Variants in FAM178B observed in about 807,000 individuals in gnomAD.
The protein encoded by FAM178B is protein FAM178B.
FAM178B carries 82 observed loss-of-function variants against 91.7 expected under a neutral mutation model. That is an observed-to-expected ratio of 0.89 (90% CI 0.75 to 1.07). The LOEUF is 1.07. FAM178B is among the 50% of genes least tolerant of loss of function. The pLI is 0.00. For missense variants in FAM178B, 769 were observed against 846.7 expected (o/e 0.91, Z 1.14); for synonymous variants, 368 against 359.4 (o/e 1.02, Z -0.27).
At chr2:96,938,188 C>T (rs2081664689) in intron 8 of FAM178B, among the ~76,000 whole-genome samples, 1 of 152,152 alleles carries the variant, frequency 6.6e-6, no homozygotes, top group Non-Finnish European at 1.5e-5. Flanking sequence ...GTGCACTTGG[C>T]CAAAGTTCTC....
intron 9 of FAM178B, among the ~76,000 whole-genome samples, chr2:96,923,998 A>C (rs1297558944): frequency 6.6e-6 from 1 of 152,176 alleles, no homozygotes; most frequent in Non-Finnish European, 1.5e-5. Flanking sequence ...ACCTTCCACA[A>C]CCTAACCTCG....
intron 12 of FAM178B, among the ~76,000 whole-genome samples, chr2:96,911,198 C>T (rs1188902101): frequency 6.6e-6 from 1 of 152,188 alleles, no homozygotes; most frequent in East Asian, 1.9e-4. Flanking sequence ...GGGAGTACGG[C>T]CACAGCACCT....
intron 13 of FAM178B, among the ~76,000 whole-genome samples, chr2:96,898,903 C>G (rs2080873129): frequency 6.6e-6 from 1 of 152,210 alleles, no homozygotes; most frequent in Non-Finnish European, 1.5e-5. Context: ...CAGGCAGGGC[C>G]TGTGAGGAGG....
chr2:96,929,935 C>T lies in FAM178B; in HGVS notation c.1079-615G>A, dbSNP rs116087483. ...CATGATAAAGTCTGACCACATCGGCCGGGCACAGTGGCCCACACCTGTAAT... is the reference window on the plus strand; with the variant it reads ...CATGATAAAGTCTGACCACATCGGCTGGGCACAGTGGCCCACACCTGTAAT... On this transcript the variant is annotated intron_variant, in intron 8 of 16. Coordinates refer to ENST00000490605, the MANE Select transcript of FAM178B (RefSeq NM_001122646.3). Among the ~76,000 whole-genome samples the T allele has an allele frequency of 5.1e-3, 773 of 152,260 alleles. 1 individual carries two copies. The highest frequency in any genetic ancestry group is 0.018 in the African/African-American group (731 of 41,552).
chr2:96,967,519 C>T lies in FAM178B; in HGVS notation c.734+1G>A, dbSNP rs2082158976. 2 of 1,542,206 alleles carry T rather than the reference C, an allele frequency of 1.3e-6. No individual in the cohort carries two copies. The highest frequency in any genetic ancestry group is 1.8e-6 in the Non-Finnish European group (2 of 1,140,182). Reference sequence around the variant, plus strand: ...GCTGGTGCCAGGCCCCTGCCCCTCACCTGTGCTCGGGTGTGAGTGGCACTT... The same window carrying T: ...GCTGGTGCCAGGCCCCTGCCCCTCATCTGTGCTCGGGTGTGAGTGGCACTT... On this transcript the variant is annotated splice_donor_variant, in intron 5 of 16. Transcript: ENST00000490605. LOFTEE classifies it high-confidence loss of function.
At chr2:96,927,245 C>T (rs767428058) in intron 9 of FAM178B, among the ~76,000 whole-genome samples, 84 of 152,210 alleles carry the variant, frequency 5.5e-4, no homozygotes, top group Non-Finnish European at 8.4e-4. Context: ...ATCCTCCTAC[C>T]CCGAGGAAGA....
At chr2:96,960,621 G>A (rs1037727071) in intron 5 of FAM178B, among the ~76,000 whole-genome samples, 181 bp from the exon 6 acceptor site, 1 of 152,190 alleles carries the variant, frequency 6.6e-6, no homozygotes, top group African/African-American at 2.4e-5. Context: ...GCACGCAGGA[G>A]CCCTTCAGTC....
intron 8 of FAM178B, among the ~76,000 whole-genome samples, chr2:96,933,785 G>A (rs2081580952): frequency 6.6e-6 from 1 of 152,202 alleles, no homozygotes; most frequent in Non-Finnish European, 1.5e-5. Flanking sequence ...ACAGGAGGAG[G>A]GGAGGTCCCC....
intron 14 of FAM178B, among the ~76,000 whole-genome samples, chr2:96,882,984 G>A (rs995978168): frequency 3.3e-5 from 5 of 152,234 alleles, no homozygotes; most frequent in African/African-American, 1.2e-4. Flanking sequence ...AGCAAGGGCC[G>A]AGCTCCCGTT....
chr2:96,883,688 G>A (rs746073246), intron 14 of FAM178B, among the ~76,000 whole-genome samples: 6 of 152,214 alleles, frequency 3.9e-5, no homozygotes, highest in Non-Finnish European at 8.8e-5. Flanking sequence ...CAAAGGGCAC[G>A]GCTCTCCCAG....
intron 6 of FAM178B, among the ~76,000 whole-genome samples, chr2:96,952,779 G>A (rs1040469819): frequency 6.6e-5 from 10 of 151,976 alleles, no homozygotes; most frequent in Middle Eastern, 3.2e-3. Context: ...TCTAGACCAC[G>A]TCCCAAAGAT....
At chr2:96,928,714 G>A (rs924616545) in intron 9 of FAM178B, among the ~76,000 whole-genome samples, 7 of 152,282 alleles carry the variant, frequency 4.6e-5, no homozygotes, top group Admixed American at 4.6e-4. Flanking sequence ...TCCATCCTGG[G>A]GGCTTCCCAT....
At position 96,877,985 on chromosome 2, in the gene FAM178B, C is replaced by T; in HGVS notation, c.1912G>A (p.Glu638Lys). The change falls in exon 16 of 17, where the codon GAG becomes AAG. Residue 638 changes from glutamate (E) to lysine (K), a missense_variant. Physicochemically the swap from Glu to Lys is moderately conservative, Grantham distance 56. Transcript: ENST00000490605. ...LDRHISTQIR[E>K]SPQAMHRTML... is the part of the protein sequence containing the mutation. Reference sequence around the variant, plus strand: ...GTGCGGTGCATGGCCTGGGGGCTCTCCCGGATCTGCGTGCTGATGTGGCGG... The same window carrying T: ...GTGCGGTGCATGGCCTGGGGGCTCTTCCGGATCTGCGTGCTGATGTGGCGG... 2 of 1,613,474 alleles carry T rather than the reference C, an allele frequency of 1.2e-6. No individual in the cohort carries two copies.
chr2:96,934,881 C>T (rs1351657149), intron 8 of FAM178B, among the ~76,000 whole-genome samples: 1 of 152,206 alleles, frequency 6.6e-6, no homozygotes, highest in East Asian at 1.9e-4. Flanking sequence ...CTGACAACCT[C>T]CCTACCTGGC....
rs76587313 is a variant in FAM178B at position 96,980,031 on chromosome 2, T to C, written c.73+6210A>G. ...CTTGAGATTGCTGGTATCTTAAATG[T>C]TTGCCATTCTAGTCAGCGTGTAATG... On this transcript the variant is annotated intron_variant, in intron 1 of 16. Transcript: ENST00000490605. Among the ~76,000 whole-genome samples the C allele has an allele frequency of 2.6e-3, 400 of 152,198 alleles. 17 individuals are homozygous for C. In the East Asian group the frequency reaches 0.045, roughly 17 times the overall value.
chr2:96,976,964 G>A (rs1227350137), intron 1 of FAM178B, among the ~76,000 whole-genome samples: 1 of 152,072 alleles, frequency 6.6e-6, no homozygotes. Flanking sequence ...GGAGGCCAAG[G>A]TGAGTGGATC....
intron 12 of FAM178B, among the ~76,000 whole-genome samples, chr2:96,919,743 T>C (rs2081301654): frequency 6.6e-6 from 1 of 152,182 alleles, no homozygotes; most frequent in African/African-American, 2.4e-5. Flanking sequence ...TGGAGTCCTC[T>C]GACAGAGCTT....
chr2:96,926,502 C>A (rs1338001776), intron 9 of FAM178B, among the ~76,000 whole-genome samples: 1 of 152,182 alleles, frequency 6.6e-6, no homozygotes, highest in Non-Finnish European at 1.5e-5. Flanking sequence ...GATGGGGGCA[C>A]CTGGCAAGTC....
At chr2:96,896,492 A>G (rs2080826320) in intron 13 of FAM178B, among the ~76,000 whole-genome samples, 1 of 152,066 alleles carries the variant, frequency 6.6e-6, no homozygotes, top group African/African-American at 2.4e-5. Context: ...CACCGACATC[A>G]CTGCTGGCAG....
Sources: allele counts gnomAD v4.1 joint callset (sites outside exome capture counted in the v4.1 genomes callset), GRCh38; gene constraint gnomAD v4.1.1; transcripts MANE v1.5; gene names NCBI Gene and HGNC (gene_info 2026-07-23, HGNC 2026-07-21).